The following GLRA2 variants were observed in gnomAD, a reference collection of about 807,000 sequenced individuals.
GLRA2 encodes glycine receptor subunit alpha-2.
Under a neutral mutation model 31.6 loss-of-function variants are expected in GLRA2, and 11 were observed. That is an observed-to-expected ratio of 0.35 (90% CI 0.22 to 0.58). The LOEUF (loss-of-function observed/expected upper bound fraction) is 0.58. GLRA2 is among the 20% of genes least tolerant of loss of function. The pLI is 0.84. For synonymous variants in GLRA2, 132 were observed against 134.0 expected (o/e 0.99, Z 0.10); for missense variants, 212 against 351.8 (o/e 0.60, Z 3.18).
intron 7 of GLRA2, among the ~76,000 whole-genome samples, chrX:14,682,081 C>T (rs937103628): frequency 8.6e-4 from 88 of 102,648 alleles, no homozygotes; most frequent in Non-Finnish European, 1.5e-3. Context: ...AAAAAGTGGG[C>T]TAAGAAGGAA....
intron 4 of GLRA2, among the ~76,000 whole-genome samples, chrX:14,595,956 A>G (rs1460454651): frequency 8.9e-6 from 1 of 112,072 alleles, no homozygotes; most frequent in Admixed American, 9.5e-5. Flanking sequence ...CTGGTGCCCA[A>G]TAAATATTTG....
chrX:14,702,401 A>G (rs935368078), intron 8 of GLRA2, among the ~76,000 whole-genome samples: 4 of 112,003 alleles, frequency 3.6e-5, no homozygotes, highest in African/African-American at 1.3e-4. Context: ...AGTAGTCTAC[A>G]CTTCCCTGAA....
Position 14,635,217 on chromosome X carries a change from G to A in GLRA2, c.930+26012G>A, listed in dbSNP as rs903593267. On this transcript the variant is annotated intron_variant, in intron 7 of 8. Coordinates refer to ENST00000218075, the MANE Select transcript of GLRA2 (RefSeq NM_002063.4). Reference sequence around the variant, plus strand: ...AAATCCTCCTGGAATCACTAGTATCGTCATAGAAATCATTTTTTAAAATGT... The same window carrying A: ...AAATCCTCCTGGAATCACTAGTATCATCATAGAAATCATTTTTTAAAATGT... Among the ~76,000 whole-genome samples the A allele has an allele frequency of 1.4e-4, 16 of 111,824 alleles. No homozygotes were observed. The South Asian group carries it at 1.5e-3, about 10-fold the overall frequency.
intron 7 of GLRA2, among the ~76,000 whole-genome samples, chrX:14,633,480 G>A (rs937798321): frequency 3.6e-5 from 4 of 111,850 alleles, no homozygotes; most frequent in Admixed American, 9.5e-5. Context: ...GAGTGACAGA[G>A]TGAGACTGTA....
the GLRA2 span, among the ~76,000 whole-genome samples, chrX:14,451,155 C>T: frequency 8.9e-6 from 1 of 111,811 alleles, no homozygotes; most frequent in Non-Finnish European, 1.9e-5. Flanking sequence ...CAGTTCTAAA[C>T]ATGGAAACAA....
intron 7 of GLRA2, among the ~76,000 whole-genome samples, chrX:14,687,304 G>A (rs777332311): frequency 9.0e-6 from 1 of 111,596 alleles, no homozygotes; most frequent in Non-Finnish European, 1.9e-5. Context: ...TTCTCGAGGA[G>A]TATCTTTGTG....
chrX:14,623,454 T>C (rs2090547028), intron 7 of GLRA2, among the ~76,000 whole-genome samples: 1 of 111,167 alleles, frequency 9.0e-6, no homozygotes, highest in African/African-American at 3.3e-5. Context: ...GCTTCCAGTT[T>C]TTGCCCATTC....
At chrX:14,575,459 C>T (rs2089944265) in intron 3 of GLRA2, among the ~76,000 whole-genome samples, 1 of 110,787 alleles carries the variant, frequency 9.0e-6, no homozygotes, top group Non-Finnish European at 1.9e-5. Flanking sequence ...CTCGGCCTAC[C>T]AAAGTGCTGG....
chrX:14,682,659 T>C (rs1389378503), intron 7 of GLRA2, among the ~76,000 whole-genome samples: 1 of 110,245 alleles, frequency 9.1e-6, no homozygotes, highest in Non-Finnish European at 1.9e-5. Flanking sequence ...CGATAACTCA[T>C]CATTTACATT....
intron 7 of GLRA2, among the ~76,000 whole-genome samples, chrX:14,673,882 CTGT>C (rs1392522008): frequency 4.4e-5 from 5 of 112,378 alleles, no homozygotes; most frequent in Non-Finnish European, 9.4e-5. Flanking sequence ...GACAGTGCTA[CTGT>C]TGTTTCTTGC....
chrX:14,542,284 T>C (rs960551890), intron 2 of GLRA2, among the ~76,000 whole-genome samples: 1 of 112,120 alleles, frequency 8.9e-6, no homozygotes, highest in East Asian at 2.8e-4. Flanking sequence ...AAGGTGGTTC[T>C]GATGCATGTG....
the GLRA2 span, among the ~76,000 whole-genome samples, chrX:14,507,676 T>TACGAAAGAC: frequency 9.7e-6 from 1 of 102,723 alleles, no homozygotes; most frequent in Non-Finnish European, 2.0e-5. Flanking sequence ...AATATATCAC[T>TACGAAAGAC]ACGAAAGACA....
chrX:14,542,177 A>G, intron 2 of GLRA2, among the ~76,000 whole-genome samples: 1 of 112,243 alleles, frequency 8.9e-6, no homozygotes, highest in South Asian at 3.7e-4. Context: ...AGAGACAGGC[A>G]CTTCAAAGGA....
intron 7 of GLRA2, among the ~76,000 whole-genome samples, chrX:14,637,809 T>C (rs942073852): frequency 1.8e-5 from 2 of 111,912 alleles, no homozygotes; most frequent in Non-Finnish European, 3.8e-5. Flanking sequence ...AGGTTTCATA[T>C]AAGGGATACA....
At chrX:14,563,066 T>G (rs1240626417) in intron 2 of GLRA2, among the ~76,000 whole-genome samples, 1 of 112,574 alleles carries the variant, frequency 8.9e-6, no homozygotes, top group East Asian at 2.8e-4. Flanking sequence ...TTAGGGAAAT[T>G]AGGACATTCA....
At chrX:14,680,045 A>G (rs1010511776) in intron 7 of GLRA2, among the ~76,000 whole-genome samples, 3 of 112,374 alleles carry the variant, frequency 2.7e-5, no homozygotes, top group Middle Eastern at 9.1e-3. Context: ...CAACTACTCA[A>G]CTGTACCATT....
chrX:14,726,321 T>C lies in GLRA2; in HGVS notation c.1081-3886T>C, dbSNP rs1194838165. On this transcript the variant is annotated intron_variant, in intron 8 of 8. Transcript: ENST00000218075. Reference sequence around the variant, plus strand: ...GTTTTCAGAATCAAAACCATCTCCTTTGATGTGAATACCATAAAGTTCTAT... The same window carrying C: ...GTTTTCAGAATCAAAACCATCTCCTCTGATGTGAATACCATAAAGTTCTAT... Among the ~76,000 whole-genome samples the C allele has an allele frequency of 2.7e-5, 3 of 112,155 alleles. No homozygotes were observed. In the East Asian group the frequency reaches 8.4e-4, roughly 31 times the overall value.
At chrX:14,478,384 T>C in the GLRA2 span, among the ~76,000 whole-genome samples, 1 of 112,220 alleles carries the variant, frequency 8.9e-6, no homozygotes, top group Non-Finnish European at 1.9e-5. Flanking sequence ...TTTCAACTTG[T>C]ATCAGAATCC....
the GLRA2 span, among the ~76,000 whole-genome samples, chrX:14,465,539 C>A: frequency 8.1e-3 from 913 of 112,048 alleles, 7 homozygotes; most frequent in African/African-American, 0.028. Flanking sequence ...TTTCTTAATG[C>A]CTTGGGCAAA....
Sources: gnomAD v4.1 joint callset for allele counts (sites outside exome capture counted in the v4.1 genomes callset) on GRCh38, gnomAD v4.1.1 for gene constraint, MANE v1.5 for transcripts, NCBI Gene and HGNC (gene_info 2026-07-23, HGNC 2026-07-21) for gene names.